ABLIM1: variants seen among roughly 807,000 people sequenced by gnomAD.
The protein encoded by ABLIM1 is actin-binding LIM protein 1.
In ABLIM1, 40 loss-of-function variants were observed where a neutral mutation model predicts 107.0. That is an observed-to-expected ratio of 0.37 (90% CI 0.29 to 0.49). The LOEUF is 0.49. Among genes scored for constraint, ABLIM1 ranks in the 20% least tolerant of loss-of-function variants. The pLI, the probability that ABLIM1 is intolerant of heterozygous loss-of-function variation, is 0.97. For synonymous variants in ABLIM1, 357 were observed against 357.3 expected, an observed-to-expected ratio of 1.00 and a Z score of 0.01; for missense variants, 857 against 1,008.5, an observed-to-expected ratio of 0.85 and a Z score of 2.04.
At chr10:114,611,749 A>C (rs1257000358) in intron 1 of ABLIM1, among the ~76,000 whole-genome samples, 4 of 152,164 alleles carry the variant, frequency 2.6e-5, no homozygotes, top group African/African-American at 7.2e-5. Flanking sequence ...CTCTATGTGA[A>C]GGTTAAGCTC....
chr10:114,657,703 T>C (rs925938513), intron 1 of ABLIM1, among the ~76,000 whole-genome samples: 103 of 152,222 alleles, frequency 6.8e-4, no homozygotes, highest in African/African-American at 2.4e-3. Flanking sequence ...CAATTATTCA[T>C]ACCAAGTTTG....
At chr10:114,498,885 T>C (rs2060028597) in intron 6 of ABLIM1, among the ~76,000 whole-genome samples, 2 of 152,220 alleles carry the variant, frequency 1.3e-5, no homozygotes, top group South Asian at 2.1e-4. Flanking sequence ...GGTTTCCTGA[T>C]TCTAAGTTAA....
upstream of ABLIM1, chr10:114,658,295 G>A: frequency 1.3e-6 from 2 of 1,512,006 alleles, no homozygotes. Flanking sequence ...GCTCCTTACT[G>A]TCTCCTTTTC....
intron 2 of ABLIM1, among the ~76,000 whole-genome samples, chr10:114,592,716 A>G (rs2075024614): frequency 6.6e-6 from 1 of 152,128 alleles, no homozygotes. Context: ...TGTACATACT[A>G]TGAAGATGGG....
intron 1 of ABLIM1, among the ~76,000 whole-genome samples, chr10:114,636,525 G>A (rs2078488213): frequency 6.6e-6 from 1 of 152,154 alleles, no homozygotes; most frequent in African/African-American, 2.4e-5. Flanking sequence ...GCTTGACATG[G>A]AATGGATGCA....
At position 114,746,892 on chromosome 10, in the gene ABLIM1, T is replaced by C. The variant is rs117485758; in HGVS notation, c.-213+21169A>G. On this transcript the variant is annotated intron_variant, in intron 1 of 15. Transcript: ENST00000651092. ...TTCATATCCTTTACCGATTTCTTAA[T>C]TGGATTATTTCTTTTCTGCTTATAG... Among the ~76,000 whole-genome samples the C allele has an allele frequency of 3.2e-3, 485 of 152,372 alleles. 2 individuals are homozygous for C. The highest frequency in any genetic ancestry group is 4.1e-3 in the Non-Finnish European group (277 of 68,042).
intron 6 of ABLIM1, among the ~76,000 whole-genome samples, chr10:114,524,605 C>T (rs944683303): frequency 6.6e-6 from 1 of 152,064 alleles, no homozygotes; most frequent in African/African-American, 2.4e-5. Flanking sequence ...ACAAAAAACT[C>T]TATATTTACA....
At chr10:114,646,350 T>C (rs1449379974) in intron 1 of ABLIM1, among the ~76,000 whole-genome samples, 1 of 152,100 alleles carries the variant, frequency 6.6e-6, no homozygotes, top group African/African-American at 2.4e-5. Flanking sequence ...GAGAACTAGG[T>C]GGGCAAAAAT....
chr10:114,716,100 A>G (rs2081654707), intron 1 of ABLIM1, among the ~76,000 whole-genome samples: 1 of 152,178 alleles, frequency 6.6e-6, no homozygotes, highest in Non-Finnish European at 1.5e-5. Context: ...GAGAATAGGG[A>G]AGGAAATCTC....
chr10:114,636,276 G>A (rs2078475857), intron 1 of ABLIM1, among the ~76,000 whole-genome samples: 1 of 152,172 alleles, frequency 6.6e-6, no homozygotes, highest in African/African-American at 2.4e-5. Context: ...TGAGGAGCAG[G>A]GAGAGGCTCA....
chr10:114,451,747 C>A, intron 13 of ABLIM1, 76 bp from the exon 14 acceptor site: 1 of 1,226,834 alleles, frequency 8.2e-7, no homozygotes, highest in Non-Finnish European at 1.2e-6. Flanking sequence ...AACCAAGGGG[C>A]AAATCAAACT....
chr10:114,523,581 C>T (rs2064122844), intron 6 of ABLIM1, among the ~76,000 whole-genome samples: 1 of 151,624 alleles, frequency 6.6e-6, no homozygotes, highest in Non-Finnish European at 1.5e-5. Context: ...ATTTCTGGGC[C>T]TTATGAAGGC....
At chr10:114,734,773 G>A (rs2082145494) in intron 1 of ABLIM1, among the ~76,000 whole-genome samples, 1 of 152,156 alleles carries the variant, frequency 6.6e-6, no homozygotes, top group Admixed American at 6.5e-5. Flanking sequence ...CAAACGGGAG[G>A]TTTCCTGAGG....
At chr10:114,598,689 A>G (rs1230394347) in intron 2 of ABLIM1, among the ~76,000 whole-genome samples, 1 of 152,234 alleles carries the variant, frequency 6.6e-6, no homozygotes, top group African/African-American at 2.4e-5. Context: ...AATGTCAAGT[A>G]TCTCAATACT....
intron 1 of ABLIM1, among the ~76,000 whole-genome samples, chr10:114,642,749 A>G (rs144842987): frequency 6.6e-6 from 1 of 152,340 alleles, no homozygotes; most frequent in East Asian, 1.9e-4. Flanking sequence ...GTCCTAGACT[A>G]AGGCTTCGAA....
At chr10:114,766,511 C>T (rs1275900192) in intron 1 of ABLIM1, among the ~76,000 whole-genome samples, 1 of 152,068 alleles carries the variant, frequency 6.6e-6, no homozygotes, top group Non-Finnish European at 1.5e-5. Flanking sequence ...AAACCCGAGA[C>T]CCTGGAATAG....
intron 1 of ABLIM1, chr10:114,613,665 C>T (rs1415157204): frequency 1.5e-6 from 2 of 1,325,146 alleles, no homozygotes; most frequent in South Asian, 1.2e-5. Context: ...ACCTGGGTCT[C>T]TCCAGTGTCT....
At chr10:114,614,849 G>A (rs778738909) in intron 1 of ABLIM1, among the ~76,000 whole-genome samples, 1 of 151,976 alleles carries the variant, frequency 6.6e-6, no homozygotes, top group African/African-American at 2.4e-5. Flanking sequence ...AGGTTGGGAC[G>A]AGACCAGTCT....
At chr10:114,551,721 C>T (rs941769195) in intron 4 of ABLIM1, among the ~76,000 whole-genome samples, 1 of 152,230 alleles carries the variant, frequency 6.6e-6, no homozygotes, top group Non-Finnish European at 1.5e-5. Context: ...TATTTTCCTG[C>T]CTCACCACTA....
Sources: allele counts gnomAD v4.1 joint callset (sites outside exome capture counted in the v4.1 genomes callset), GRCh38; gene constraint gnomAD v4.1.1; transcripts MANE v1.5; gene names NCBI Gene and HGNC (gene_info 2026-07-23, HGNC 2026-07-21).